XYLT1: variants seen among roughly 807,000 people sequenced by gnomAD.
XYLT1 encodes xylosyltransferase 1, also known as beta-D-xylosyltransferase 1.
In XYLT1, 36 loss-of-function variants were observed where a neutral mutation model predicts 91.3. That is an observed-to-expected ratio of 0.39 (90% CI 0.30 to 0.52). XYLT1 has a LOEUF of 0.52. XYLT1 is among the 20% of genes least tolerant of loss of function. The pLI, the probability that XYLT1 is intolerant of heterozygous loss-of-function variation, is 0.68. For missense variants in XYLT1, 1,242 were observed against 1,284.5 expected (o/e 0.97, Z 0.51); for synonymous variants, 588 against 532.0 (o/e 1.11, Z -1.45).
At chr16:17,458,927 G>C (rs1284245396) in intron 1 of XYLT1, among the ~76,000 whole-genome samples, 1 of 152,058 alleles carries the variant, frequency 6.6e-6, no homozygotes, top group Non-Finnish European at 1.5e-5. Flanking sequence ...GAAGAAGAGA[G>C]TGCATCTGGG....
At chr16:17,264,461 T>C (rs774441663) in intron 2 of XYLT1, among the ~76,000 whole-genome samples, 1 of 152,230 alleles carries the variant, frequency 6.6e-6, no homozygotes, top group South Asian at 2.1e-4. Context: ...ATTTTCTTTA[T>C]CCAGCCATCC....
chr16:17,115,837 G>T (rs1448151145), intron 11 of XYLT1, among the ~76,000 whole-genome samples: 6 of 112,988 alleles, frequency 5.3e-5, no homozygotes, highest in Non-Finnish European at 1.1e-4. Context: ...ACTTTTCCTT[G>T]CACTATTATC....
At chr16:17,450,901 A>G (rs945091050) in intron 1 of XYLT1, among the ~76,000 whole-genome samples, 2 of 152,308 alleles carry the variant, frequency 1.3e-5, no homozygotes, top group East Asian at 3.9e-4. Flanking sequence ...GACCAAAGAC[A>G]GGTAAGTTTT....
At chr16:17,251,721 G>C (rs1362403757) in intron 3 of XYLT1, among the ~76,000 whole-genome samples, 1 of 152,184 alleles carries the variant, frequency 6.6e-6, no homozygotes, top group Non-Finnish European at 1.5e-5. Flanking sequence ...GCCTCCTATG[G>C]GTCGCAGGTG....
intron 3 of XYLT1, among the ~76,000 whole-genome samples, chr16:17,244,418 T>G (rs1161956255): frequency 1.3e-5 from 2 of 152,102 alleles, no homozygotes; most frequent in Admixed American, 1.3e-4. Flanking sequence ...GAATGCAGGA[T>G]GGAAGATGAG....
At position 17,312,865 on chromosome 16, in the gene XYLT1, G is replaced by A. The variant is rs16968725; in HGVS notation, c.402+45147C>T. On this transcript the variant is annotated intron_variant, in intron 2 of 11. Coordinates refer to ENST00000261381, the MANE Select transcript of XYLT1 (RefSeq NM_022166.4). The surrounding 1 kb of genome is among the most constrained non-coding windows in gnomAD (Gnocchi z 4.4). ...AAGTTCTGGTAACTAGTGCAAACTCGCTCATGGATCAGAGATGTTTCTGAG... is the reference window on the plus strand; with the variant it reads ...AAGTTCTGGTAACTAGTGCAAACTCACTCATGGATCAGAGATGTTTCTGAG... Among the ~76,000 whole-genome samples, 14,091 of 152,238 alleles carry A rather than the reference G, an allele frequency of 0.093. 1,462 individuals are homozygous for A. Among genetic ancestry groups the A allele is most frequent in the African/African-American group, 0.26 (10,709 of 41,504 alleles).
intron 6 of XYLT1, among the ~76,000 whole-genome samples, chr16:17,156,389 C>T (rs2031408587): frequency 6.6e-6 from 1 of 152,238 alleles, no homozygotes; most frequent in Non-Finnish European, 1.5e-5. Flanking sequence ...CACCTATTAG[C>T]TGCTACCTGG....
intron 1 of XYLT1, among the ~76,000 whole-genome samples, chr16:17,381,096 G>A (rs1354277598): frequency 1.3e-5 from 2 of 152,040 alleles, no homozygotes; most frequent in Admixed American, 1.3e-4. Context: ...TCAATTAATC[G>A]CTAATGTTTG....
intron 3 of XYLT1, among the ~76,000 whole-genome samples, chr16:17,223,761 G>A (rs763976218): frequency 7.2e-5 from 11 of 152,344 alleles, no homozygotes; most frequent in Non-Finnish European, 1.6e-4. Flanking sequence ...ACTGGTGGCT[G>A]TGTTCCAATA....
At chr16:17,135,745 C>T (rs2030694001) in intron 8 of XYLT1, among the ~76,000 whole-genome samples, 1 of 152,148 alleles carries the variant, frequency 6.6e-6, no homozygotes, top group Non-Finnish European at 1.5e-5. Flanking sequence ...ATACTAAGCA[C>T]CTGTAAGCTA....
At chr16:17,325,729 G>T (rs1254136502) in intron 2 of XYLT1, among the ~76,000 whole-genome samples, 1 of 152,112 alleles carries the variant, frequency 6.6e-6, no homozygotes, top group Non-Finnish European at 1.5e-5. Context: ...ATTTAATTCA[G>T]AGAAATTGCT....
rs546876216 is a variant in XYLT1 at position 17,377,227 on chromosome 16, G to A, written c.364-19177C>T. Among the ~76,000 whole-genome samples the A allele has an allele frequency of 7.0e-4, 89 of 127,370 alleles. 1 individual carries two copies. Among genetic ancestry groups the A allele is most frequent in the Non-Finnish European group, 1.2e-3 (78 of 63,104 alleles). The allele number at this position is 127,370 out of a possible 152,430, so 83.6% of individuals were successfully genotyped here. On this transcript the variant is annotated intron_variant, in intron 1 of 11. Coordinates refer to ENST00000261381, the MANE Select transcript of XYLT1 (RefSeq NM_022166.4). Reference sequence around the variant, plus strand: ...ATTCTGGGTCTTGTTTTTATAGATGGAATAGTCAAGGCTCAGATTAACTAA... The same window carrying A: ...ATTCTGGGTCTTGTTTTTATAGATGAAATAGTCAAGGCTCAGATTAACTAA...
chr16:17,132,987 A>T (rs1274473847), intron 9 of XYLT1, among the ~76,000 whole-genome samples: 1 of 152,220 alleles, frequency 6.6e-6, no homozygotes, highest in East Asian at 1.9e-4. Context: ...AATGATGAGT[A>T]TTACTCTTCT....
chr16:17,139,093 T>C (rs534769981), intron 7 of XYLT1, among the ~76,000 whole-genome samples: 35 of 152,112 alleles, frequency 2.3e-4, no homozygotes, highest in Non-Finnish European at 4.1e-4. Context: ...CTTGGCCAAC[T>C]GCTTTAAGGG....
chr16:17,464,618 C>T (rs976221144), intron 1 of XYLT1, among the ~76,000 whole-genome samples: 3 of 152,032 alleles, frequency 2.0e-5, no homozygotes, highest in Non-Finnish European at 4.4e-5. Flanking sequence ...TTATATGAAC[C>T]TATCAAAATA....
At position 17,259,189 on chromosome 16, in the gene XYLT1, G is replaced by A. The variant is rs747582546; in HGVS notation, c.712C>T (p.His238Tyr). 13 of 1,604,632 alleles carry A rather than the reference G, an allele frequency of 8.1e-6. No homozygotes were observed. The South Asian group carries it at 1.2e-4, about 15-fold the overall frequency. ...SHGKDVSRPP[H>Y]ARKTGGSSPE... ...GAGCTGCCCCCAGTTTTCCTGGCAT[G>A]AGGCGGTCTGGACACATCCTTCCCG... Residue 238 changes from histidine (H) to tyrosine (Y), a missense_variant, in exon 3 of 12, where the codon CAT (histidine) becomes TAT (tyrosine). Transcript: ENST00000261381.
chr16:17,360,729 C>G (rs551914275), intron 1 of XYLT1, among the ~76,000 whole-genome samples: 3 of 152,320 alleles, frequency 2.0e-5, no homozygotes, highest in African/African-American at 4.8e-5. Context: ...GAAAGGCTAA[C>G]GAAGTGGAAC....
intron 1 of XYLT1, among the ~76,000 whole-genome samples, chr16:17,391,504 T>C (rs775081207): frequency 1.3e-5 from 2 of 152,038 alleles, no homozygotes; most frequent in African/African-American, 2.4e-5. Flanking sequence ...TCTATTGCAA[T>C]TCCCCTGTTT....
chr16:17,315,862 C>T (rs1418559850), intron 2 of XYLT1, among the ~76,000 whole-genome samples: 1 of 152,158 alleles, frequency 6.6e-6, no homozygotes, highest in Non-Finnish European at 1.5e-5. Flanking sequence ...GATCATGCCT[C>T]GGCAAGTCCC....
Sources: gnomAD v4.1 joint callset for allele counts (sites outside exome capture counted in the v4.1 genomes callset) on GRCh38, gnomAD v4.1.1 for gene constraint, Gnocchi (gnomAD v3.1) non-coding constraint, MANE v1.5 for transcripts, NCBI Gene and HGNC (gene_info 2026-07-23, HGNC 2026-07-21) for gene names.